Variants in MSRA observed in about 807,000 individuals in gnomAD.
MSRA encodes the protein methionine sulfoxide reductase A.
MSRA carries 54 observed loss-of-function variants against 31.3 expected under a neutral mutation model. The observed-to-expected ratio is 1.73, with a 90% CI of 1.39 to 2.17. The LOEUF (loss-of-function observed/expected upper bound fraction) is 2.17. Ranked by LOEUF, MSRA falls within the 30% of genes most tolerant of loss-of-function variation. The pLI is 0.00. For missense variants in MSRA, 507 were observed against 300.9 expected (o/e 1.69, Z -5.07); for synonymous variants, 169 against 116.5 (o/e 1.45, Z -2.90).
chr8:10,210,212 C>T (rs1182346749), intron 2 of MSRA, among the ~76,000 whole-genome samples: 1 of 152,138 alleles, frequency 6.6e-6, no homozygotes, highest in Non-Finnish European at 1.5e-5. Flanking sequence ...CTGATGGACT[C>T]ATATACTCCT....
Position 10,235,691 on chromosome 8 carries a change from C to G in MSRA, c.212-9413C>G, listed in dbSNP as rs1373881764. On this transcript the variant is annotated intron_variant, in intron 2 of 5. Transcript: ENST00000317173. The stretch of plus-strand genomic sequence containing the variant: ...GCATCCCCTAATGATTCTCTTCCTT[C>G]TCTCCAAAGTCCAGGTGCTTCAGGA... Among the ~76,000 whole-genome samples the G allele has an allele frequency of 2.0e-5, 3 of 152,114 alleles. No homozygotes were observed. In the East Asian group the frequency reaches 5.8e-4, roughly 29 times the overall value.
chr8:10,054,846 C>A (rs954140196), intron 1 of MSRA, among the ~76,000 whole-genome samples, 188 bp downstream of exon 1: 1 of 152,168 alleles, frequency 6.6e-6, no homozygotes, highest in Non-Finnish European at 1.5e-5. Context: ...CACTGACGTC[C>A]CTTTGTCTTT....
intron 1 of MSRA, among the ~76,000 whole-genome samples, chr8:10,093,445 G>T (rs1394287697): frequency 1.3e-5 from 2 of 152,004 alleles, no homozygotes; most frequent in African/African-American, 4.8e-5. Context: ...CAAAAACTTT[G>T]CTCCTATATA....
At chr8:10,423,580 C>G (rs1808945120) in intron 5 of MSRA, among the ~76,000 whole-genome samples, 2 of 152,162 alleles carry the variant, frequency 1.3e-5, no homozygotes, top group African/African-American at 4.8e-5. Context: ...CCCTATCTCC[C>G]CCTGCTCCTG....
At chr8:10,406,282 G>T (rs1807813754) in intron 5 of MSRA, among the ~76,000 whole-genome samples, 2 of 152,242 alleles carry the variant, frequency 1.3e-5, no homozygotes, top group African/African-American at 2.4e-5. Context: ...CCTTGGGCAA[G>T]TTCCTTAACC....
intron 5 of MSRA, among the ~76,000 whole-genome samples, chr8:10,405,718 C>A (rs372410369): frequency 1.3e-5 from 2 of 152,212 alleles, no homozygotes; most frequent in Non-Finnish European, 2.9e-5. Flanking sequence ...ACCATGTGCT[C>A]ACACACACAA....
intron 2 of MSRA, among the ~76,000 whole-genome samples, chr8:10,226,765 C>T (rs919112042): frequency 2.0e-5 from 3 of 152,088 alleles, no homozygotes; most frequent in Non-Finnish European, 4.4e-5. Flanking sequence ...CTTTACTTTG[C>T]CCCAGGCCAG....
intron 1 of MSRA, among the ~76,000 whole-genome samples, chr8:10,190,905 G>GAGACCAGAGTGTAGTGAGACT (rs1807451285): frequency 6.6e-6 from 1 of 151,956 alleles, no homozygotes; most frequent in Non-Finnish European, 1.5e-5. Context: ...GAGGAAGAGG[G>GAGACCAGAGTGTAGTGAGACT]AGACCAGAGT....
At chr8:10,332,638 G>A (rs1041048384) in intron 5 of MSRA, among the ~76,000 whole-genome samples, 3 of 152,182 alleles carry the variant, frequency 2.0e-5, no homozygotes, top group Non-Finnish European at 4.4e-5. Context: ...CACGTAGACA[G>A]CTAGATCTTA....
intron 5 of MSRA, among the ~76,000 whole-genome samples, chr8:10,387,882 G>C (rs554775979): frequency 2.0e-5 from 3 of 152,130 alleles, no homozygotes; most frequent in Non-Finnish European, 4.4e-5. Flanking sequence ...GAAAGTCTTT[G>C]GTTCTCAGGC....
chr8:10,412,361 C>A (rs1253780999), intron 5 of MSRA, among the ~76,000 whole-genome samples: 3 of 152,110 alleles, frequency 2.0e-5, no homozygotes, highest in Non-Finnish European at 4.4e-5. Flanking sequence ...TGTGTAATGC[C>A]CGAATAGGGA....
intron 5 of MSRA, among the ~76,000 whole-genome samples, chr8:10,426,002 C>G (rs1303148333): frequency 1.3e-5 from 2 of 152,212 alleles, no homozygotes; most frequent in East Asian, 3.8e-4. Flanking sequence ...CAGACGTCGT[C>G]CTTATTGTTG....
In MSRA at chr8:10,426,060, C is replaced by A. The variant is rs1266783592; in HGVS notation, c.544-2088C>A. 3.9e-5 allele frequency among the ~76,000 whole-genome samples: 6 copies of A among 152,198 alleles called. No homozygotes were observed. The South Asian group carries it at 1.0e-3, about 26-fold the overall frequency. On this transcript the variant is annotated intron_variant, in intron 5 of 5. Coordinates refer to ENST00000317173, the MANE Select transcript of MSRA (RefSeq NM_012331.5). ...CAGCCACCTGGCATCCCAAAGCCTT[C>A]CTTCAGTGGGCAGCCTCTTCACAGG...
intron 3 of MSRA, among the ~76,000 whole-genome samples, chr8:10,263,046 T>C (rs1395089938): frequency 6.6e-6 from 1 of 152,232 alleles, no homozygotes; most frequent in Non-Finnish European, 1.5e-5. Context: ...ATTGTCTTGT[T>C]TGTGTACCGG....
Position 10,244,973 on chromosome 8 carries a change from A to T in MSRA, c.212-131A>T. 4.9e-6 allele frequency: 3 copies of T among 615,030 alleles called. No individual in the cohort carries two copies. The East Asian group carries it at 8.5e-5, about 17-fold the overall frequency. 38.1% of individuals were successfully genotyped at this position (615,030 alleles called of 1,614,324 possible). ...CTCCTTCTTTAAAAGATAAAATCTT[A>T]GTCATTTTTGGTTATCAAATGACAG... On this transcript the variant is annotated intron_variant, in intron 2 of 5. Transcript: ENST00000317173.
intron 1 of MSRA, among the ~76,000 whole-genome samples, chr8:10,091,547 A>G (rs112047939): frequency 1.6e-4 from 24 of 151,542 alleles, no homozygotes; most frequent in Non-Finnish European, 2.6e-4. Flanking sequence ...TGTCTTCAGT[A>G]TACTGATTTC....
chr8:10,061,854 ACCCCTCAT>A (rs1169017776), intron 1 of MSRA, among the ~76,000 whole-genome samples: 1 of 152,008 alleles, frequency 6.6e-6, no homozygotes, highest in Non-Finnish European at 1.5e-5. Context: ...AGGGTGGGGA[ACCCCTCAT>A]CTTTAAATCT....
chr8:10,280,832 C>T (rs972797052), intron 3 of MSRA, among the ~76,000 whole-genome samples: 2 of 152,186 alleles, frequency 1.3e-5, no homozygotes, highest in African/African-American at 2.4e-5. Context: ...CGTACAACAG[C>T]GTGAACTACT....
chr8:10,229,053 C>A (rs980351722), intron 2 of MSRA, among the ~76,000 whole-genome samples: 1 of 152,126 alleles, frequency 6.6e-6, no homozygotes, highest in East Asian at 1.9e-4. Flanking sequence ...TTCCACAGAG[C>A]CATCAGATCA....
Sources: gnomAD v4.1 joint callset for allele counts (sites outside exome capture counted in the v4.1 genomes callset) on GRCh38, gnomAD v4.1.1 for gene constraint, MANE v1.5 for transcripts, NCBI Gene and HGNC (gene_info 2026-07-23, HGNC 2026-07-21) for gene names.